The following ZNF503 variants were observed in gnomAD, a reference collection of about 807,000 sequenced individuals.
The protein encoded by ZNF503 is NocA-like zinc finger 2.
In ZNF503, 15 loss-of-function variants were observed where a neutral mutation model predicts 34.4. The observed-to-expected ratio is 0.44, with a 90% confidence interval of 0.29 to 0.67. The LOEUF (loss-of-function observed/expected upper bound fraction) is 0.67, where lower values mean the gene tolerates loss of function less well. ZNF503 is among the 30% of genes least tolerant of loss of function. The probability of loss-of-function intolerance (pLI) is 0.13; values close to 1 mark genes in which losing one functional copy is unlikely to be tolerated. For synonymous variants in ZNF503, 580 were observed against 456.8 expected, an observed-to-expected ratio of 1.27 and a Z score of -3.44; for missense variants, 1,007 against 926.8, an observed-to-expected ratio of 1.09 and a Z score of -1.12.
At chr10:75,293,669 A>ATG in the ZNF503 span, among the ~76,000 whole-genome samples, 12 of 150,870 alleles carry the variant, frequency 8.0e-5, no homozygotes, top group Non-Finnish European at 1.5e-4. Flanking sequence ...GTGTGTGCGC[A>ATG]TGTGTGTGTG....
chr10:75,372,130 C>T, the ZNF503 span, among the ~76,000 whole-genome samples: 9 of 152,180 alleles, frequency 5.9e-5, no homozygotes, highest in Non-Finnish European at 1.0e-4. Flanking sequence ...CAGGGTTTCA[C>T]CATGTTGGCC....
chr10:75,314,257 A>AG, the ZNF503 span, among the ~76,000 whole-genome samples: 1 of 141,062 alleles, frequency 7.1e-6, no homozygotes, highest in Admixed American at 7.0e-5. Context: ...AAAAAAAAAA[A>AG]GAAAGCTCAG....
At chr10:75,367,311 G>A in the ZNF503 span, among the ~76,000 whole-genome samples, 6 of 152,034 alleles carry the variant, frequency 3.9e-5, no homozygotes, top group East Asian at 1.9e-4. Flanking sequence ...ACCCACGCAC[G>A]GGAAACTCTC....
At chr10:75,330,414 G>T in the ZNF503 span, among the ~76,000 whole-genome samples, 1 of 152,162 alleles carries the variant, frequency 6.6e-6, no homozygotes, top group South Asian at 2.1e-4. Context: ...GGAAGAGGTT[G>T]AGAAGAATTA....
At chr10:75,353,014 G>A in the ZNF503 span, among the ~76,000 whole-genome samples, 7 of 152,058 alleles carry the variant, frequency 4.6e-5, no homozygotes, top group South Asian at 6.2e-4. Context: ...TGTGTCCCGA[G>A]GGGGGGCACC....
the ZNF503 span, among the ~76,000 whole-genome samples, chr10:75,347,056 G>A: frequency 6.6e-6 from 1 of 152,146 alleles, no homozygotes; most frequent in African/African-American, 2.4e-5. Context: ...TTCTGAAACG[G>A]ATTTTTAAAA....
the ZNF503 span, among the ~76,000 whole-genome samples, chr10:75,378,532 C>T: frequency 6.6e-6 from 1 of 152,120 alleles, no homozygotes; most frequent in Non-Finnish European, 1.5e-5. Context: ...CTCCCTCCCT[C>T]AGCCCAGGCA....
the ZNF503 span, among the ~76,000 whole-genome samples, chr10:75,378,312 C>T: frequency 1.3e-5 from 2 of 152,172 alleles, no homozygotes; most frequent in East Asian, 3.9e-4. Flanking sequence ...CACAGATGGG[C>T]AGGAAGCTCC....
the ZNF503 span, among the ~76,000 whole-genome samples, chr10:75,320,920 G>A: frequency 6.6e-6 from 1 of 152,078 alleles, no homozygotes; most frequent in Admixed American, 6.6e-5. Context: ...TTACCATTTG[G>A]GGAAGTTAGG....
At chr10:75,384,569 G>T in the ZNF503 span, among the ~76,000 whole-genome samples, 1 of 152,034 alleles carries the variant, frequency 6.6e-6, no homozygotes, top group East Asian at 1.9e-4. Flanking sequence ...CAACTCCCTT[G>T]CCACATCCTC....
the ZNF503 span, among the ~76,000 whole-genome samples, chr10:75,285,796 T>C: frequency 6.6e-6 from 1 of 152,122 alleles, no homozygotes; most frequent in East Asian, 1.9e-4. Context: ...GGGGAAAACA[T>C]TAGGCTGTAG....
chr10:75,330,189 T>G, the ZNF503 span, among the ~76,000 whole-genome samples: 3 of 152,230 alleles, frequency 2.0e-5, no homozygotes, highest in Non-Finnish European at 4.4e-5. Flanking sequence ...CATCCTTGCA[T>G]CCAGGGGTTG....
At chr10:75,373,835 C>A in the ZNF503 span, among the ~76,000 whole-genome samples, 1 of 152,248 alleles carries the variant, frequency 6.6e-6, no homozygotes, top group African/African-American at 2.4e-5. Context: ...GTTTGGCTTT[C>A]AGAGTTTCCT....
chr10:75,338,705 C>A, the ZNF503 span, among the ~76,000 whole-genome samples: 11 of 152,018 alleles, frequency 7.2e-5, no homozygotes, highest in Non-Finnish European at 1.5e-4. Flanking sequence ...GGAGAGAGAG[C>A]AAATGGATAC....
At chr10:75,325,798 A>G in the ZNF503 span, among the ~76,000 whole-genome samples, 2 of 150,272 alleles carry the variant, frequency 1.3e-5, no homozygotes, top group Non-Finnish European at 3.0e-5. Flanking sequence ...TTTTGTCAGT[A>G]TTTTGTAGTT....
chr10:75,287,461 T>A, the ZNF503 span, among the ~76,000 whole-genome samples: 1 of 152,154 alleles, frequency 6.6e-6, no homozygotes, highest in South Asian at 2.1e-4. Context: ...CCCTTCTGGC[T>A]TTCTTTCCAG....
chr10:75,400,084 G>T lies in ZNF503; in HGVS notation c.606C>A (p.Gly202=). 1 of 676,652 alleles carries T rather than the reference G, an allele frequency of 1.5e-6. No homozygotes were observed. The allele number at this position is 676,652 out of a possible 1,614,324, so 41.9% of individuals were successfully genotyped here. A position where few individuals can be genotyped will look rare whatever the true frequency, so the allele number is the denominator to read the frequency against. ...GGGGGGGGGG[G]GGVSSEKSGF... Reference sequence around the variant, plus strand: ...CCGACTTCTCCGACGAAACACCCCCGCCGCCGCCCCCGCCACCGCCACCGC... The same window carrying T: ...CCGACTTCTCCGACGAAACACCCCCTCCGCCGCCCCCGCCACCGCCACCGC... The change falls in exon 2 of 2, where the codon GGC becomes GGA. Residue 202 remains glycine, a synonymous_variant. Transcript: ENST00000372524.
At chr10:75,375,381 A>G in the ZNF503 span, among the ~76,000 whole-genome samples, 1 of 152,156 alleles carries the variant, frequency 6.6e-6, no homozygotes, top group Non-Finnish European at 1.5e-5. Flanking sequence ...TCAGCCTCCC[A>G]AAGTGCTGGG....
chr10:75,387,216 G>A, the ZNF503 span, among the ~76,000 whole-genome samples: 2 of 152,218 alleles, frequency 1.3e-5, 1 homozygote, highest in Admixed American at 1.3e-4. Flanking sequence ...ACACTTCCCT[G>A]GGGCCTGGGG....
Sources: gnomAD v4.1 joint callset for allele counts (sites outside exome capture counted in the v4.1 genomes callset) on GRCh38, gnomAD v4.1.1 for gene constraint, MANE v1.5 for transcripts, NCBI Gene and HGNC (gene_info 2026-07-23, HGNC 2026-07-21) for gene names.